NEIL1: variants seen among roughly 807,000 people sequenced by gnomAD.
NEIL1 encodes the protein endonuclease 8-like 1.
In NEIL1, 31 loss-of-function variants were observed where a neutral mutation model predicts 44.2. The observed-to-expected ratio is 0.70, with a 90% confidence interval of 0.53 to 0.95. NEIL1 has a LOEUF of 0.95. Among genes scored for constraint, NEIL1 ranks in the 40% least tolerant of loss-of-function variants. The probability of loss-of-function intolerance (pLI) is 0.00; values close to 1 mark genes in which losing one functional copy is unlikely to be tolerated. For missense variants in NEIL1, 549 were observed against 515.5 expected, an observed-to-expected ratio of 1.07 and a Z score of -0.63; for synonymous variants, 254 against 209.7, an observed-to-expected ratio of 1.21 and a Z score of -1.83.
In NEIL1 at chr15:75,356,064, C is replaced by T. The variant is rs765429313; in HGVS notation, c.*1030C>T. 2.0e-5 allele frequency: 33 copies of T among 1,613,378 alleles called. No individual in the cohort carries two copies. Among genetic ancestry groups the T allele is most frequent in the East Asian group, 2.2e-5 (1 of 44,840 alleles). On this transcript the variant is annotated 3_prime_UTR_variant, in exon 10 of 10. Transcript: ENST00000355059. This position sits in a 1 kb window ranked among gnomAD's most constrained non-coding sequence, Gnocchi z 5.8. ...AACAGGAGGGGCCATGAAGGCTCTGCGAGGGCGAGACTCGACCCCCGCCCC... is the reference window on the plus strand; with the variant it reads ...AACAGGAGGGGCCATGAAGGCTCTGTGAGGGCGAGACTCGACCCCCGCCCC...
At position 75,356,647 on chromosome 15, in the gene NEIL1, G is replaced by T; in HGVS notation, c.*1613G>T. ...TGCATAGGTGAACTCGTGGCGCCCC[G>T]TGTCAGCAGTAGCGTCCGGGGCTTT... On this transcript the variant is annotated 3_prime_UTR_variant, in exon 10 of 10. Transcript: ENST00000355059. This position sits in a 1 kb window ranked among gnomAD's most constrained non-coding sequence, Gnocchi z 5.8. 6.3e-7 allele frequency: 1 copy of T among 1,576,056 alleles called. No homozygotes were observed.
chr15:75,354,012 C>T (rs1251548592), intron 6 of NEIL1, 146 bp downstream of exon 6: 6 of 1,180,814 alleles, frequency 5.1e-6, no homozygotes, highest in Non-Finnish European at 7.2e-6. Flanking sequence ...CCCCTCCCCT[C>T]CCATGCGTCC....
chr15:75,348,666 C>A (rs1595851166), intron 1 of NEIL1: 2 of 1,423,604 alleles, frequency 1.4e-6, no homozygotes, highest in Admixed American at 2.9e-5. Context: ...AAGGCAGAGT[C>A]CTGCTCCCTC....
At position 75,349,151 on chromosome 15, in the gene NEIL1, C is replaced by G; in HGVS notation, c.246C>G (p.Ser82=). 1 of 1,609,890 alleles carries G rather than the reference C, an allele frequency of 6.2e-7. No homozygotes were observed. Among genetic ancestry groups the G allele is most frequent in the Non-Finnish European group, 8.5e-7 (1 of 1,179,920 alleles). Residue 82 remains serine, a synonymous_variant, in exon 2 of 10, where the codon TCC becomes TCG. Transcript: ENST00000355059. ...CCCTGGTCTTCCGCTTCGGCATGTC[C>G]GGCTCTTTTCAGCTGGTGCCCCGCG... The part of the protein sequence containing the change: ...PLALVFRFGM[S]GSFQLVPREE...
intron 8 of NEIL1, 69 bp from the exon 9 acceptor site, chr15:75,354,584 G>A (rs1390465503): frequency 1.2e-6 from 2 of 1,612,662 alleles, no homozygotes; most frequent in Non-Finnish European, 8.5e-7. Context: ...GGCGGGGGGA[G>A]TGGTGGGCCC....
At chr15:75,353,962 T>A in intron 6 of NEIL1, 96 bp downstream of exon 6, 5 of 1,480,076 alleles carry the variant, frequency 3.4e-6, no homozygotes, top group Non-Finnish European at 4.6e-6. Context: ...TCAGGGTCTG[T>A]CTAGACCCTC....
rs1332679054 is a variant in NEIL1 at position 75,349,169 on chromosome 15, G to A, written c.264G>A (p.Val88=). Reference sequence around the variant, plus strand: ...GCATGTCCGGCTCTTTTCAGCTGGTGCCCCGCGAGGAGCTGCCACGCCATG... The same window carrying A: ...GCATGTCCGGCTCTTTTCAGCTGGTACCCCGCGAGGAGCTGCCACGCCATG... The part of the protein sequence containing the change: ...RFGMSGSFQL[V]PREELPRHAH... The change falls in exon 2 of 10, where the codon GTG becomes GTA. Residue 88 remains valine, a synonymous_variant. Transcript: ENST00000355059. 2.5e-6 allele frequency: 4 copies of A among 1,609,170 alleles called. No individual in the cohort carries two copies. In the East Asian group the frequency reaches 8.9e-5, roughly 36 times the overall value.
rs746963285 is a variant in NEIL1 at position 75,349,215 on chromosome 15, G to C, written c.310G>C (p.Ala104Pro). The change falls in exon 2 of 10, where the codon GCC becomes CCC. Residue 104 changes from alanine to proline, a missense_variant. By Grantham distance (27) the Ala-to-Pro change is conservative. Coordinates refer to ENST00000355059, the MANE Select transcript of NEIL1 (RefSeq NM_024608.4). ...PRHAHLRFYT[A>P]PPGPRLALCF... is the part of the protein sequence containing the mutation. ...CCATGCCCACCTGCGCTTTTACACG[G>C]CCCCGCCTGGCCCCCGGCTCGCCCT... is the stretch of plus-strand genomic sequence containing the variant. 6.2e-7 allele frequency: 1 copy of C among 1,609,216 alleles called. No homozygotes were observed. The highest frequency in any genetic ancestry group is 1.1e-5 in the South Asian group (1 of 91,066).
In NEIL1 at chr15:75,353,753, G is replaced by T; in HGVS notation, c.733G>T (p.Gly245Trp). The change falls in exon 6 of 10, where the codon GGG becomes TGG. Residue 245 changes from glycine (G) to tryptophan (W), a missense_variant. Gly to Trp is a radical substitution (Grantham distance 184, BLOSUM62 -2). Coordinates refer to ENST00000355059, the MANE Select transcript of NEIL1 (RefSeq NM_024608.4). ...EVVQLGGKGY[G>W]SESGEEDFAA... ...CTGTCCCACAGGGGGCAAAGGCTACGGGTCAGAGAGCGGGGAGGAGGACTT... is the reference window on the plus strand; with the variant it reads ...CTGTCCCACAGGGGGCAAAGGCTACTGGTCAGAGAGCGGGGAGGAGGACTT... 1 of 1,614,084 alleles carries T rather than the reference G, an allele frequency of 6.2e-7. No homozygotes were observed. The highest frequency in any genetic ancestry group is 2.2e-5 in the East Asian group (1 of 44,894).
At chr15:75,353,346 T>C (rs1281160483) in intron 5 of NEIL1, 1 of 315,468 alleles carries the variant, frequency 3.2e-6, no homozygotes, top group Non-Finnish European at 6.4e-6. Context: ...CATCTGCCTC[T>C]AAGTAGCTAG....
At chr15:75,348,553 G>C in intron 1 of NEIL1, 1 of 1,189,252 alleles carries the variant, frequency 8.4e-7, no homozygotes, top group East Asian at 4.7e-5. Flanking sequence ...AGATCCGTGA[G>C]TGAGGGGAGC....
rs2072260151 is a variant in NEIL1 at position 75,355,363 on chromosome 15, G to C, written c.*329G>C. ...ACTGAGCCCCCATCCCAGTCCTCAA[G>C]GCTCTGACTCTATCAGAGGACAGTT... On this transcript the variant is annotated 3_prime_UTR_variant, in exon 10 of 10. Transcript: ENST00000355059. The C allele has an allele frequency of 3.1e-6, 1 of 319,874 alleles. No individual in the cohort carries two copies. Among genetic ancestry groups the C allele is most frequent in the South Asian group, 3.3e-5 (1 of 30,594 alleles). The allele number at this position is 319,874 out of a possible 1,614,324, so 19.8% of individuals were successfully genotyped here. A position where few individuals can be genotyped will look rare whatever the true frequency, so the allele number is the denominator to read the frequency against.
Position 75,356,082 on chromosome 15 carries a change from C to T in NEIL1, c.*1048C>T, listed in dbSNP as rs767979691. 2.5e-6 allele frequency: 4 copies of T among 1,613,540 alleles called. No homozygotes were observed. The South Asian group carries it at 4.4e-5, about 18-fold the overall frequency. On this transcript the variant is annotated 3_prime_UTR_variant, in exon 10 of 10. Transcript: ENST00000355059. This position sits in a 1 kb window ranked among gnomAD's most constrained non-coding sequence, Gnocchi z 5.8. ...GGCTCTGCGAGGGCGAGACTCGACC[C>T]CCGCCCCAATCCCACACCGCCACTC...
chr15:75,351,981 G>A (rs1156296405), intron 2 of NEIL1, 130 bp from the exon 3 acceptor site: 8 of 790,516 alleles, frequency 1.0e-5, no homozygotes, highest in Admixed American at 2.4e-5. Flanking sequence ...GGAAAACGGG[G>A]GCAGGGAGAA....
Position 75,355,352 on chromosome 15 carries a change from C to A in NEIL1, c.*318C>A. 1 of 347,794 alleles carries A rather than the reference C, an allele frequency of 2.9e-6. No homozygotes were observed. The highest frequency in any genetic ancestry group is 5.4e-6 in the Non-Finnish European group (1 of 186,740). 21.5% of individuals were successfully genotyped at this position (347,794 alleles called of 1,614,324 possible). A position where few individuals can be genotyped will look rare whatever the true frequency, so the allele number is the denominator to read the frequency against. On this transcript the variant is annotated 3_prime_UTR_variant, in exon 10 of 10. Transcript: ENST00000355059. ...TCACAAGGCAAACTGAGCCCCCATC[C>A]CAGTCCTCAAGGCTCTGACTCTATC...
In NEIL1 at chr15:75,356,389, G is replaced by A. The variant is rs962297249; in HGVS notation, c.*1355G>A. The A allele has an allele frequency of 8.7e-6, 14 of 1,611,242 alleles. No homozygotes were observed. The African/African-American group carries it at 1.2e-4, about 14-fold the overall frequency. ...GGGCGCTGGGCTGGGGGCTGGCAGAGCCAACAGGGGGAAGTTTAGGCTGTA... is the reference window on the plus strand; with the variant it reads ...GGGCGCTGGGCTGGGGGCTGGCAGAACCAACAGGGGGAAGTTTAGGCTGTA... On this transcript the variant is annotated 3_prime_UTR_variant, in exon 10 of 10. Transcript: ENST00000355059. The surrounding 1 kb of genome is among the most constrained non-coding windows in gnomAD (Gnocchi z 5.8).
chr15:75,356,502 T>C lies in NEIL1; in HGVS notation c.*1468T>C. The C allele has an allele frequency of 6.4e-7, 1 of 1,565,332 alleles. No homozygotes were observed. The highest frequency in any genetic ancestry group is 1.2e-5 in the South Asian group (1 of 85,194). ...GTGGAGAATGGGGGCTACCCTCCCC[T>C]GTCCCTAGAAGGGGCAGGAAGCCAG... is the stretch of plus-strand genomic sequence containing the variant. On this transcript the variant is annotated 3_prime_UTR_variant, in exon 10 of 10. Coordinates refer to ENST00000355059, the MANE Select transcript of NEIL1 (RefSeq NM_024608.4). This position sits in a 1 kb window ranked among gnomAD's most constrained non-coding sequence, Gnocchi z 5.8.
intron 5 of NEIL1, 146 bp from the exon 6 acceptor site, chr15:75,353,593 G>A (rs992432936): frequency 6.8e-6 from 6 of 881,576 alleles, no homozygotes; most frequent in Admixed American, 5.1e-5. Flanking sequence ...ACCAGCTGAG[G>A]TCACATCACC....
Position 75,355,738 on chromosome 15 carries a change from T to A in NEIL1, c.*704T>A. On this transcript the variant is annotated 3_prime_UTR_variant, in exon 10 of 10. Coordinates refer to ENST00000355059, the MANE Select transcript of NEIL1 (RefSeq NM_024608.4). ...CTGGGAAGCCATCCCACCCCAGACT[T>A]CCCACCCCCACCCCAAGCGTGAGGA... 1.6e-6 allele frequency: 1 copy of A among 634,988 alleles called. No individual in the cohort carries two copies. The highest frequency in any genetic ancestry group is 1.9e-5 in the African/African-American group (1 of 52,766). The allele number at this position is 634,988 out of a possible 1,614,324, so 39.3% of individuals were successfully genotyped here.
Sources: gnomAD v4.1 joint callset for allele counts on GRCh38, gnomAD v4.1.1 for gene constraint, Gnocchi (gnomAD v3.1) non-coding constraint, MANE v1.5 for transcripts, NCBI Gene and HGNC (gene_info 2026-07-23, HGNC 2026-07-21) for gene names.